CDR2: variants seen among roughly 807,000 people sequenced by gnomAD.
CDR2 encodes the protein cerebellar degeneration-related protein 2.
In CDR2, 34 loss-of-function variants were observed where a neutral mutation model predicts 48.4. The ratio of observed to expected loss-of-function variants is 0.70; its 90% CI spans 0.53 to 0.94. The LOEUF (loss-of-function observed/expected upper bound fraction) is 0.94, where lower values mean the gene tolerates loss of function less well. Ranked by LOEUF, CDR2 falls within the 40% of genes least tolerant of loss-of-function variation. The pLI is 0.00. For missense variants in CDR2, 498 were observed against 549.5 expected, an observed-to-expected ratio of 0.91 and a Z score of 0.94; for synonymous variants, 240 against 219.7, an observed-to-expected ratio of 1.09 and a Z score of -0.82.
chr16:22,374,491 G>A lies in CDR2; in HGVS notation c.-182C>T. ...GCCGGCGGCCGCCGACCGGCCGGCT[G>A]CCTCGACTCGCCTCGCGCCTACCGA... is the stretch of plus-strand genomic sequence containing the variant. On this transcript the variant is annotated 5_prime_UTR_variant, in exon 1 of 5. Coordinates refer to ENST00000268383, the MANE Select transcript of CDR2 (RefSeq NM_001802.2). The A allele has an allele frequency of 4.2e-6, 1 of 239,480 alleles. No homozygotes were observed. Among genetic ancestry groups the A allele is most frequent in the Middle Eastern group, 1.3e-3 (1 of 784 alleles). The allele number at this position is 239,480 out of a possible 1,614,324, so 14.8% of individuals were successfully genotyped here.
At position 22,346,502 on chromosome 16, in the gene CDR2, C is replaced by T. The variant is rs987973854; in HGVS notation, c.*463G>A. ...AGACCCCTGCTTTCTCTCGAACATT[C>T]TTCGTAATGAATTCACAGTATTCAA... is the stretch of plus-strand genomic sequence containing the variant. On this transcript the variant is annotated 3_prime_UTR_variant, in exon 5 of 5. Transcript: ENST00000268383. 1 of 149,924 alleles carries T rather than the reference C, an allele frequency of 6.7e-6. No homozygotes were observed. Among genetic ancestry groups the T allele is most frequent in the African/African-American group, 2.6e-5 (1 of 38,388 alleles). 9.3% of individuals were successfully genotyped at this position (149,924 alleles called of 1,614,324 possible).
rs191695516 is a variant in CDR2 at position 22,374,360 on chromosome 16, C to T, written c.-51G>A. 552 of 1,357,496 alleles carry T rather than the reference C, an allele frequency of 4.1e-4. 3 individuals are homozygous for T. The East Asian group carries it at 0.013, about 33-fold the overall frequency. The allele number at this position is 1,357,496 out of a possible 1,614,324, so 84.1% of individuals were successfully genotyped here. On this transcript the variant is annotated 5_prime_UTR_variant, in exon 1 of 5. Transcript: ENST00000268383. ...GGCCCCCGCCGCCGTCCCGCCTCAG[C>T]CGCTGCCCCGGGCTCTTCCCCGGCC...
chr16:22,349,992 C>T, intron 2 of CDR2, 143 bp from the exon 3 acceptor site: 1 of 685,530 alleles, frequency 1.5e-6, no homozygotes, highest in Non-Finnish European at 2.5e-6. Flanking sequence ...AATTCGAGAC[C>T]AGCCTGACCA....
chr16:22,352,301 G>C (rs1397058790), intron 2 of CDR2, among the ~76,000 whole-genome samples: 1 of 151,860 alleles, frequency 6.6e-6, no homozygotes, highest in East Asian at 1.9e-4. Flanking sequence ...AGAAGGATTT[G>C]CAAGGCTAAC....
intron 2 of CDR2, among the ~76,000 whole-genome samples, chr16:22,361,772 C>T (rs2049011852): frequency 6.6e-6 from 1 of 152,038 alleles, no homozygotes; most frequent in Non-Finnish European, 1.5e-5. Context: ...TAAAATACTG[C>T]ATTGTGCAAT....
intron 1 of CDR2, 107 bp from the exon 2 acceptor site, chr16:22,365,121 G>C: frequency 1.4e-6 from 1 of 724,080 alleles, no homozygotes. Context: ...CATCCCAATG[G>C]AAGGTGGAGT....
chr16:22,374,110 G>A, intron 1 of CDR2, 121 bp downstream of exon 1: 1 of 633,328 alleles, frequency 1.6e-6, no homozygotes, highest in Non-Finnish European at 2.7e-6. Context: ...CGCCAGGTGA[G>A]CCTGAGCCCT....
chr16:22,365,465 A>T (rs1475884021), intron 1 of CDR2, among the ~76,000 whole-genome samples: 1 of 152,088 alleles, frequency 6.6e-6, no homozygotes, highest in Non-Finnish European at 1.5e-5. Context: ...TATATCCTGG[A>T]CTCCTAAGGG....
intron 2 of CDR2, among the ~76,000 whole-genome samples, chr16:22,360,737 ATCTTTTTTTTTT>A (rs934779305): frequency 5.7e-5 from 6 of 104,360 alleles, no homozygotes; most frequent in African/African-American, 2.2e-4. Context: ...TAAAAAAATG[ATCTTTTTTTTTT>A]TTTTTTTTTT....
chr16:22,359,527 AAAG>A (rs1485608411), intron 2 of CDR2, among the ~76,000 whole-genome samples: 3 of 152,144 alleles, frequency 2.0e-5, no homozygotes, highest in African/African-American at 7.2e-5. Flanking sequence ...ATCCTATACC[AAAG>A]TAACAATTTA....
chr16:22,350,189 C>CAA (rs958486409), intron 2 of CDR2, among the ~76,000 whole-genome samples: 2 of 136,248 alleles, frequency 1.5e-5, no homozygotes, highest in African/African-American at 2.7e-5. Context: ...AACTCCATCT[C>CAA]AAAAAAAAAA....
intron 1 of CDR2, among the ~76,000 whole-genome samples, chr16:22,367,812 T>C (rs2049052625): frequency 6.6e-6 from 1 of 152,228 alleles, no homozygotes; most frequent in Admixed American, 6.5e-5. Flanking sequence ...CTCCAGATCA[T>C]TTAAAAACAT....
intron 2 of CDR2, among the ~76,000 whole-genome samples, chr16:22,355,345 C>T (rs1361790392): frequency 6.6e-6 from 1 of 152,208 alleles, no homozygotes; most frequent in Admixed American, 6.5e-5. Flanking sequence ...TTACGATCCC[C>T]TATCCGGGGG....
In CDR2 at chr16:22,347,361, G is replaced by A. The variant is rs201108991; in HGVS notation, c.969C>T (p.Ile323=). 176 of 1,614,186 alleles carry A rather than the reference G, an allele frequency of 1.1e-4. 3 individuals carry two copies. The East Asian group carries it at 1.4e-3, about 12-fold the overall frequency. The change falls in exon 5 of 5, where the codon ATC becomes ATT. Residue 323 remains isoleucine (I), a synonymous_variant. Coordinates refer to ENST00000268383, the MANE Select transcript of CDR2 (RefSeq NM_001802.2). ...TILSSLAGSD[I]VKGHEETCIR... ...TGCAGGTCTCCTCGTGGCCCTTCAC[G>A]ATGTCACTCCCTGCCAAGCTGCTGA...
intron 3 of CDR2, 127 bp downstream of exon 3, chr16:22,349,574 T>G: frequency 7.1e-7 from 1 of 1,403,996 alleles, no homozygotes; most frequent in African/African-American, 1.4e-5. Context: ...TTAATCTCCA[T>G]TCTCCAAAAA....
intron 1 of CDR2, among the ~76,000 whole-genome samples, chr16:22,371,154 T>A (rs2049072961): frequency 6.6e-6 from 1 of 150,684 alleles, no homozygotes; most frequent in Non-Finnish European, 1.5e-5. Context: ...GAGATTGCAG[T>A]GAGCCAAGAG....
intron 3 of CDR2, 112 bp downstream of exon 3, chr16:22,349,589 T>C: frequency 7.1e-7 from 1 of 1,412,354 alleles, no homozygotes; most frequent in Non-Finnish European, 9.7e-7. Flanking sequence ...CAAAAAGAAT[T>C]AAATTAAACC....
intron 1 of CDR2, among the ~76,000 whole-genome samples, chr16:22,370,854 C>T (rs1177860611): frequency 6.6e-6 from 1 of 152,180 alleles, no homozygotes; most frequent in South Asian, 2.1e-4. Flanking sequence ...CTATTCAGAG[C>T]ATGGCTTACT....
At chr16:22,360,722 T>A (rs1405874718) in intron 2 of CDR2, among the ~76,000 whole-genome samples, 1 of 150,940 alleles carries the variant, frequency 6.6e-6, no homozygotes, top group Non-Finnish European at 1.5e-5. Context: ...TATATTTTTC[T>A]GAATTAAAAA....
Sources: allele counts gnomAD v4.1 joint callset (sites outside exome capture counted in the v4.1 genomes callset), GRCh38; gene constraint gnomAD v4.1.1; transcripts MANE v1.5; gene names NCBI Gene and HGNC (gene_info 2026-07-23, HGNC 2026-07-21).